Variants in CTNND2 observed in about 807,000 individuals in gnomAD.
CTNND2 encodes catenin delta-2.
In CTNND2, 22 loss-of-function variants were observed where a neutral mutation model predicts 144.4. That is an observed-to-expected ratio of 0.15 (90% CI 0.11 to 0.22). The LOEUF is 0.22. Among genes scored for constraint, CTNND2 ranks in the 10% least tolerant of loss-of-function variants. The probability of loss-of-function intolerance (pLI) is 1.00; values close to 1 mark genes in which losing one functional copy is unlikely to be tolerated. For missense variants in CTNND2, 1,353 were observed against 1,618.8 expected, an observed-to-expected ratio of 0.84 and a Z score of 2.82; for synonymous variants, 751 against 695.6, an observed-to-expected ratio of 1.08 and a Z score of -1.25.
intron 2 of CTNND2, among the ~76,000 whole-genome samples, chr5:11,614,621 C>G (rs1251127219): frequency 6.6e-6 from 1 of 152,208 alleles, no homozygotes; most frequent in Non-Finnish European, 1.5e-5. Flanking sequence ...AGCAGAAACT[C>G]AGAAGCAGTC....
chr5:11,425,137 G>A (rs1762676726), intron 3 of CTNND2, among the ~76,000 whole-genome samples: 1 of 152,308 alleles, frequency 6.6e-6, no homozygotes, highest in Admixed American at 6.5e-5. Flanking sequence ...AATTAAAAAT[G>A]ATATTTTTGC....
chr5:11,406,827 C>CT (rs10710380), intron 5 of CTNND2, among the ~76,000 whole-genome samples: 27,501 of 151,498 alleles, frequency 0.18, 4,998 homozygotes, highest in African/African-American at 0.47. Flanking sequence ...ATAATATGTA[C>CT]TTTTTTTTAA....
At chr5:11,441,632 A>AC (rs1764274357) in intron 3 of CTNND2, among the ~76,000 whole-genome samples, 1 of 62,732 alleles carries the variant, frequency 1.6e-5, no homozygotes, top group South Asian at 7.0e-4. Context: ...TCCACTCCCC[A>AC]CCCCCCACCC....
At chr5:11,679,723 C>G (rs1784340427) in intron 2 of CTNND2, among the ~76,000 whole-genome samples, 2 of 152,198 alleles carry the variant, frequency 1.3e-5, no homozygotes, top group South Asian at 4.1e-4. Flanking sequence ...TGCCAACCAA[C>G]AGCATAATGG....
intron 2 of CTNND2, among the ~76,000 whole-genome samples, chr5:11,591,137 C>G (rs1197555049): frequency 6.6e-6 from 1 of 152,188 alleles, no homozygotes; most frequent in Non-Finnish European, 1.5e-5. Context: ...CCCTCAGAGG[C>G]ATTTTTCACC....
At chr5:11,651,484 G>A (rs896839540) in intron 2 of CTNND2, among the ~76,000 whole-genome samples, 1 of 152,232 alleles carries the variant, frequency 6.6e-6, no homozygotes, top group Non-Finnish European at 1.5e-5. Context: ...TCCCCACTGG[G>A]GCACTGCTTA....
At chr5:11,821,923 A>T (rs913745044) in intron 1 of CTNND2, among the ~76,000 whole-genome samples, 8 of 152,168 alleles carry the variant, frequency 5.3e-5, no homozygotes, top group Non-Finnish European at 1.2e-4. Context: ...ATGTCCCCCA[A>T]ATAAGTAAAC....
chr5:11,328,591 C>A (rs1259186768), intron 9 of CTNND2, among the ~76,000 whole-genome samples: 1 of 152,150 alleles, frequency 6.6e-6, no homozygotes, highest in Non-Finnish European at 1.5e-5. Flanking sequence ...CAGGCATGAG[C>A]CATTGCGTCC....
intron 3 of CTNND2, among the ~76,000 whole-genome samples, chr5:11,449,386 G>T (rs1315942169): frequency 6.6e-6 from 1 of 152,160 alleles, no homozygotes; most frequent in Admixed American, 6.5e-5. Flanking sequence ...AGCACATGTG[G>T]CTGCATTATC....
chr5:11,820,208 T>C (rs56276943), intron 1 of CTNND2, among the ~76,000 whole-genome samples: 146 of 152,286 alleles, frequency 9.6e-4, no homozygotes, highest in Middle Eastern at 3.4e-3. Context: ...CAAAAGAATA[T>C]GGGAAATCCT....
At chr5:11,146,725 AG>A (rs1473133475) in intron 12 of CTNND2, among the ~76,000 whole-genome samples, 1 of 152,220 alleles carries the variant, frequency 6.6e-6, no homozygotes, top group Non-Finnish European at 1.5e-5. Context: ...GCACATCGTG[AG>A]GACAAAATGT....
At chr5:11,173,931 A>G (rs1760200653) in intron 11 of CTNND2, among the ~76,000 whole-genome samples, 1 of 152,164 alleles carries the variant, frequency 6.6e-6, no homozygotes, top group African/African-American at 2.4e-5. Flanking sequence ...AACAGGCTGA[A>G]GTGCGGTGAA....
chr5:11,528,114 T>G (rs1047604631), intron 3 of CTNND2, among the ~76,000 whole-genome samples: 1 of 152,190 alleles, frequency 6.6e-6, no homozygotes, highest in Non-Finnish European at 1.5e-5. Context: ...ATTTTCACAA[T>G]GGGTCCCCAA....
chr5:11,704,447 C>T (rs185631453), intron 2 of CTNND2, among the ~76,000 whole-genome samples: 5 of 152,182 alleles, frequency 3.3e-5, no homozygotes, highest in African/African-American at 1.2e-4. Context: ...ATGAGTGCCT[C>T]TCAGTTGCTA....
At chr5:11,018,454 C>T (rs116203277) in intron 17 of CTNND2, among the ~76,000 whole-genome samples, 1,770 of 152,228 alleles carry the variant, frequency 0.012, 11 homozygotes, top group South Asian at 0.025. Context: ...TTAAGCTTAG[C>T]GAGGAAGGCA....
intron 3 of CTNND2, among the ~76,000 whole-genome samples, chr5:11,444,559 TG>T: frequency 6.6e-6 from 1 of 151,970 alleles, no homozygotes; most frequent in South Asian, 2.1e-4. Context: ...AAAATTAGCT[TG>T]GTGTGGTGGT....
chr5:11,291,734 C>A (rs1264787087), intron 9 of CTNND2, among the ~76,000 whole-genome samples: 1 of 152,170 alleles, frequency 6.6e-6, no homozygotes, highest in African/African-American at 2.4e-5. Context: ...CCCAAATCTC[C>A]CCAGTACCTG....
chr5:11,159,127 C>T (rs1758517513), intron 12 of CTNND2, among the ~76,000 whole-genome samples: 1 of 152,164 alleles, frequency 6.6e-6, no homozygotes, highest in Non-Finnish European at 1.5e-5. Flanking sequence ...TACAGTCAAA[C>T]AGAGAATTTT....
chr5:11,646,953 C>T (rs979386186), intron 2 of CTNND2, among the ~76,000 whole-genome samples: 1 of 152,174 alleles, frequency 6.6e-6, no homozygotes. Flanking sequence ...ATCAAAACAG[C>T]CACACATTCT....
Sources: allele counts gnomAD v4.1 joint callset (sites outside exome capture counted in the v4.1 genomes callset), GRCh38; gene constraint gnomAD v4.1.1; transcripts MANE v1.5; gene names NCBI Gene and HGNC (gene_info 2026-07-23, HGNC 2026-07-21).